The following IGSF11 variants were observed in gnomAD, a reference collection of about 807,000 sequenced individuals.
The protein encoded by IGSF11 is immunoglobulin superfamily member 11.
A neutral mutation model predicts 41.0 loss-of-function variants in IGSF11; 22 were observed. The ratio of observed to expected loss-of-function variants is 0.54; its 90% CI spans 0.38 to 0.77. IGSF11 has a LOEUF of 0.77. Among genes scored for constraint, IGSF11 ranks in the 30% least tolerant of loss-of-function variants. IGSF11 has a pLI of 0.00. For synonymous variants in IGSF11, 219 were observed against 201.3 expected (o/e 1.09, Z -0.74); for missense variants, 444 against 530.8 (o/e 0.84, Z 1.61).
chr3:119,084,189 A>G (rs1289573721), intron 1 of IGSF11, among the ~76,000 whole-genome samples: 4 of 152,098 alleles, frequency 2.6e-5, no homozygotes, highest in East Asian at 1.9e-4. Flanking sequence ...GTCTAAACCA[A>G]TGTAATTTGA....
At chr3:118,986,081 G>A (rs1307602295) in intron 1 of IGSF11, among the ~76,000 whole-genome samples, 1 of 152,138 alleles carries the variant, frequency 6.6e-6, no homozygotes, top group Non-Finnish European at 1.5e-5. Flanking sequence ...CACTTGTTAG[G>A]CAACTTCATA....
At chr3:119,046,498 A>G (rs1941359738) in intron 1 of IGSF11, among the ~76,000 whole-genome samples, 1 of 152,060 alleles carries the variant, frequency 6.6e-6, no homozygotes, top group Non-Finnish European at 1.5e-5. Context: ...ACTATGTGAA[A>G]AGACCAAATC....
intron 1 of IGSF11, among the ~76,000 whole-genome samples, chr3:119,057,343 G>A (rs1460228042): frequency 2.0e-5 from 3 of 152,036 alleles, no homozygotes; most frequent in Non-Finnish European, 2.9e-5. Flanking sequence ...CAAACAGAGA[G>A]CCAAATCATG....
chr3:118,994,837 C>T (rs1354090456), intron 1 of IGSF11, among the ~76,000 whole-genome samples: 5 of 152,180 alleles, frequency 3.3e-5, no homozygotes, highest in Middle Eastern at 3.4e-3. Context: ...CAGTATGACC[C>T]ACACAGGTTT....
chr3:118,913,826 T>G (rs1231656623), intron 4 of IGSF11, among the ~76,000 whole-genome samples: 1 of 151,914 alleles, frequency 6.6e-6, no homozygotes, highest in Non-Finnish European at 1.5e-5. Flanking sequence ...AAAAATAAGG[T>G]GGAACAAATA....
chr3:119,076,382 A>C (rs1337079794), intron 1 of IGSF11, among the ~76,000 whole-genome samples: 2 of 152,238 alleles, frequency 1.3e-5, no homozygotes, highest in Non-Finnish European at 2.9e-5. Flanking sequence ...CACAAAAAGC[A>C]ATGGCAACAA....
At chr3:119,005,337 T>G (rs1211243706) in intron 1 of IGSF11, among the ~76,000 whole-genome samples, 1 of 150,262 alleles carries the variant, frequency 6.7e-6, no homozygotes, top group Non-Finnish European at 1.5e-5. Flanking sequence ...TCCACCCTTT[T>G]ATTTTGAGCC....
At position 118,987,609 on chromosome 3, in the gene IGSF11, G is replaced by A. The variant is rs979086477; in HGVS notation, c.52+46922C>T. ...TCACTCAGAGAGTTAAAAGGGCTAC[G>A]ATTCAGGGACACCAGGCAAAGAGCC... is the stretch of plus-strand genomic sequence containing the variant. On this transcript the variant is annotated intron_variant, in intron 1 of 6. Transcript: ENST00000393775. Among the ~76,000 whole-genome samples the A allele has an allele frequency of 5.9e-5, 9 of 152,228 alleles. No individual in the cohort carries two copies. In the South Asian group the frequency reaches 6.2e-4, roughly 11 times the overall value.
At chr3:119,028,821 A>C (rs1940081630) in intron 1 of IGSF11, among the ~76,000 whole-genome samples, 1 of 152,100 alleles carries the variant, frequency 6.6e-6, no homozygotes, top group Non-Finnish European at 1.5e-5. Flanking sequence ...TTTTAACAAA[A>C]ATTTTATTTT....
chr3:119,031,588 T>C (rs1262162226), intron 1 of IGSF11, among the ~76,000 whole-genome samples: 1 of 152,264 alleles, frequency 6.6e-6, no homozygotes, highest in African/African-American at 2.4e-5. Context: ...CATCATTACC[T>C]TGTGTCTGAC....
upstream of IGSF11, chr3:119,105,307 T>C (rs1469385984): frequency 6.1e-6 from 4 of 658,110 alleles, no homozygotes; most frequent in Non-Finnish European, 1.0e-5. Context: ...AGGAAAACCT[T>C]CTTGGGTACA....
intron 1 of IGSF11, among the ~76,000 whole-genome samples, chr3:119,085,513 G>A (rs778592925): frequency 3.3e-5 from 5 of 152,104 alleles, no homozygotes; most frequent in Non-Finnish European, 5.9e-5. Flanking sequence ...AGCCCACTAG[G>A]TCCCCAGCAA....
intron 2 of IGSF11, among the ~76,000 whole-genome samples, chr3:118,928,954 A>T (rs1162682404): frequency 6.6e-6 from 1 of 152,156 alleles, no homozygotes; most frequent in Non-Finnish European, 1.5e-5. Flanking sequence ...ATCAGAACAT[A>T]AAAAAAGTCT....
At chr3:119,131,405 G>A (rs564138293) in intron 1 of IGSF11, among the ~76,000 whole-genome samples, 9 of 152,082 alleles carry the variant, frequency 5.9e-5, no homozygotes, top group Non-Finnish European at 1.0e-4. Flanking sequence ...TTCATGATGC[G>A]TACACAAGCT....
exon 1 of IGSF11, chr3:119,145,967 T>G: frequency 2.0e-6 from 1 of 508,296 alleles, no homozygotes; most frequent in Non-Finnish European, 3.5e-6. Flanking sequence ...TCGCCCCTTC[T>G]CAGGACATGG....
chr3:119,131,889 C>T (rs1482853814), intron 1 of IGSF11, among the ~76,000 whole-genome samples: 1 of 152,126 alleles, frequency 6.6e-6, no homozygotes, highest in Non-Finnish European at 1.5e-5. Context: ...AGAGTGAGGG[C>T]CAATATTCAA....
chr3:118,948,571 T>C lies in IGSF11; in HGVS notation c.53-18296A>G, dbSNP rs972349587. ...AATAGTCAATGAGGAGGATTAGTGT[T>C]GGATGTCATAGTAAATACAGCCATT... On this transcript the variant is annotated intron_variant, in intron 1 of 6. Coordinates refer to ENST00000393775, the MANE Select transcript of IGSF11 (RefSeq NM_001015887.3). Among the ~76,000 whole-genome samples, 5 of 152,310 alleles carry C rather than the reference T, an allele frequency of 3.3e-5. 1 individual carries two copies. Among genetic ancestry groups the C allele is most frequent in the East Asian group, 1.9e-4 (1 of 5,180 alleles).
At chr3:119,127,602 T>C (rs1045139521) in intron 1 of IGSF11, among the ~76,000 whole-genome samples, 4 of 151,848 alleles carry the variant, frequency 2.6e-5, no homozygotes, top group Non-Finnish European at 5.9e-5. Context: ...CACACAATCA[T>C]CAGATTCTCC....
At chr3:118,983,529 T>G (rs137961188) in intron 1 of IGSF11, 5 of 152,320 alleles carry the variant, frequency 3.3e-5, no homozygotes, top group African/African-American at 9.6e-5. Context: ...GAGATTAAAA[T>G]GTAAGCAGAG....
Sources: gnomAD v4.1 joint callset for allele counts (sites outside exome capture counted in the v4.1 genomes callset) on GRCh38, gnomAD v4.1.1 for gene constraint, MANE v1.5 for transcripts, NCBI Gene and HGNC (gene_info 2026-07-23, HGNC 2026-07-21) for gene names.